Variants in MZT1 observed in about 807,000 individuals in gnomAD.
MZT1 encodes mitotic spindle organizing protein 1, also known as mitotic-spindle organizing protein 1.
A neutral mutation model predicts 8.5 loss-of-function variants in MZT1; 8 were observed. That is an observed-to-expected ratio of 0.94 (90% CI 0.55 to 1.70). The LOEUF (loss-of-function observed/expected upper bound fraction) is 1.70. MZT1 is among the 40% of genes most tolerant of loss of function. MZT1 has a pLI of 0.00. For synonymous variants in MZT1, 38 were observed against 42.0 expected (o/e 0.90, Z 0.37); for missense variants, 93 against 108.6 (o/e 0.86, Z 0.64).
intron 1 of MZT1, among the ~76,000 whole-genome samples, chr13:72,719,759 A>C (rs1222034298): frequency 6.6e-6 from 1 of 152,182 alleles, no homozygotes; most frequent in Non-Finnish European, 1.5e-5. Context: ...TATATTTTTT[A>C]AACTTCATTT....
At position 72,708,822 on chromosome 13, in the gene MZT1, T is replaced by C. The variant is rs1252381343; in HGVS notation, c.*1500A>G. 3 of 52,662 alleles carry C rather than the reference T, an allele frequency of 5.7e-5. No individual in the cohort carries two copies. Among genetic ancestry groups the C allele is most frequent in the South Asian group, 1.4e-3 (1 of 700 alleles). The allele number at this position is 52,662 out of a possible 1,614,324, so 3.3% of individuals were successfully genotyped here. On this transcript the variant is annotated 3_prime_UTR_variant, in exon 3 of 3. Transcript: ENST00000377818. ...TAAAAAGTCAAAATGGTCAAAATTC[T>C]ATATTAAAAAAAAAAAAAGGCAGAG...
At chr13:72,719,125 A>C (rs1566213503) in intron 1 of MZT1, 28 bp from the exon 2 acceptor site, 7 of 1,454,872 alleles carry the variant, frequency 4.8e-6, no homozygotes, top group East Asian at 2.3e-5. Flanking sequence ...AAAAAAAAAA[A>C]CTTAAGGCTT....
intron 2 of MZT1, among the ~76,000 whole-genome samples, chr13:72,715,153 C>T (rs1216476231): frequency 6.6e-6 from 1 of 152,202 alleles, no homozygotes; most frequent in Non-Finnish European, 1.5e-5. Context: ...CCCCTCCCAC[C>T]AGTGTGTCCT....
chr13:72,711,604 C>A lies in MZT1; in HGVS notation c.226-1259G>T, dbSNP rs182552154. Reference sequence around the variant, plus strand: ...ATTCCAAAAAAAGAGACAATAAATACCATACAGTTAAATTCTAAATACCAG... The same window carrying A: ...ATTCCAAAAAAAGAGACAATAAATAACATACAGTTAAATTCTAAATACCAG... On this transcript the variant is annotated intron_variant, in intron 2 of 2. Coordinates refer to ENST00000377818, the MANE Select transcript of MZT1 (RefSeq NM_001071775.3). Among the ~76,000 whole-genome samples, 18 of 151,870 alleles carry A rather than the reference C, an allele frequency of 1.2e-4. No homozygotes were observed. The East Asian group carries it at 3.3e-3, about 28-fold the overall frequency.
chr13:72,710,838 C>A (rs1298621614), intron 2 of MZT1, among the ~76,000 whole-genome samples: 2 of 152,086 alleles, frequency 1.3e-5, no homozygotes, highest in Non-Finnish European at 2.9e-5. Flanking sequence ...TTCCAAGATA[C>A]CATATCATCA....
chr13:72,724,748 ATATATG>A, intron 1 of MZT1, among the ~76,000 whole-genome samples: 1 of 37,152 alleles, frequency 2.7e-5, no homozygotes, highest in Non-Finnish European at 7.1e-5. Context: ...ATACACATAT[ATATATG>A]TAAAGTGGTG....
Position 72,709,645 on chromosome 13 carries a change from A to G in MZT1, c.*677T>C, listed in dbSNP as rs2032467347. Reference sequence around the variant, plus strand: ...GCATTGTCATTACTTTTAAAATCCAAGTTTCTCAAAGTTTGATTTTTTTAC... The same window carrying G: ...GCATTGTCATTACTTTTAAAATCCAGGTTTCTCAAAGTTTGATTTTTTTAC... On this transcript the variant is annotated 3_prime_UTR_variant, in exon 3 of 3. Coordinates refer to ENST00000377818, the MANE Select transcript of MZT1 (RefSeq NM_001071775.3). The G allele has an allele frequency of 6.6e-6, 1 of 152,064 alleles. No individual in the cohort carries two copies. The highest frequency in any genetic ancestry group is 1.5e-5 in the Non-Finnish European group (1 of 67,916). 9.4% of individuals were successfully genotyped at this position (152,064 alleles called of 1,614,324 possible).
intron 2 of MZT1, 23 bp from the exon 3 acceptor site, chr13:72,710,368 AT>A: frequency 6.2e-7 from 1 of 1,612,070 alleles, no homozygotes; most frequent in African/African-American, 1.3e-5. Context: ...AGTAAGATTC[AT>A]TACAATAAAA....
In MZT1 at chr13:72,727,517, A is replaced by C. The variant is rs1465897; in HGVS notation, c.79+7T>G. Reference sequence around the variant, plus strand: ...CGCAAGGTAAAGGGAGCGCAACGGAAACTCACCGTCCATGGTCTCCCGCAC... The same window carrying C: ...CGCAAGGTAAAGGGAGCGCAACGGACACTCACCGTCCATGGTCTCCCGCAC... On this transcript the variant is annotated splice_region_variant and intron_variant, in intron 1 of 2. Transcript: ENST00000377818. The C allele has an allele frequency of 0.97, 1,565,083 of 1,613,498 alleles. 764,259 individuals are homozygous for C. Among genetic ancestry groups the C allele is most frequent in the Non-Finnish European group, 0.99 (1,169,506 of 1,179,666 alleles).
Position 72,727,540 on chromosome 13 carries a change from C to T in MZT1, c.63G>A (p.Val21=). 6.2e-7 allele frequency: 1 copy of T among 1,613,262 alleles called. No individual in the cohort carries two copies. Among genetic ancestry groups the T allele is most frequent in the Non-Finnish European group, 8.5e-7 (1 of 1,179,692 alleles). ...GAAACTCACCGTCCATGGTCTCCCG[C>T]ACCGCATTCAGATTCGCCGCCGCGG... ...AAAAAANLNA[V]RETMDVLLEI... is the part of the protein sequence containing the mutation. The change falls in exon 1 of 3, where the codon GTG becomes GTA. Residue 21 remains valine (V), a synonymous_variant. Coordinates refer to ENST00000377818, the MANE Select transcript of MZT1 (RefSeq NM_001071775.3).
intron 1 of MZT1, among the ~76,000 whole-genome samples, chr13:72,719,458 A>C: frequency 6.6e-6 from 1 of 152,178 alleles, no homozygotes; most frequent in African/African-American, 2.4e-5. Context: ...CATTTTATGG[A>C]AACACTATAC....
At chr13:72,718,361 G>C (rs2032557349) in intron 2 of MZT1, among the ~76,000 whole-genome samples, 1 of 152,236 alleles carries the variant, frequency 6.6e-6, no homozygotes, top group Non-Finnish European at 1.5e-5. Flanking sequence ...ATTGGGACCA[G>C]GGGTTAGGAC....
intron 2 of MZT1, among the ~76,000 whole-genome samples, chr13:72,712,379 C>T (rs192196153): frequency 6.6e-6 from 1 of 152,306 alleles, no homozygotes; most frequent in Non-Finnish European, 1.5e-5. Flanking sequence ...GTCTTAAACT[C>T]CTGGCCTGAA....
At chr13:72,720,078 C>T (rs984942970) in intron 1 of MZT1, among the ~76,000 whole-genome samples, 1 of 152,182 alleles carries the variant, frequency 6.6e-6, no homozygotes, top group African/African-American at 2.4e-5. Flanking sequence ...AAGTTTATTT[C>T]CCAAAACCCC....
At chr13:72,727,333 C>G (rs931839814) in intron 1 of MZT1, among the ~76,000 whole-genome samples, 191 bp downstream of exon 1, 1 of 152,234 alleles carries the variant, frequency 6.6e-6, no homozygotes, top group Admixed American at 6.5e-5. Flanking sequence ...CGACAAACTA[C>G]GCAGCGGCGG....
In MZT1 at chr13:72,721,258, C is replaced by A. The variant is rs148799941; in HGVS notation, c.80-2161G>T. On this transcript the variant is annotated intron_variant, in intron 1 of 2. Transcript: ENST00000377818. ...TTAGATCTGTTAGGCAGGACCAGAG[C>A]CCTGTTTAGGATAGGGCTAATTATT... Among the ~76,000 whole-genome samples the A allele has an allele frequency of 6.6e-5, 10 of 152,278 alleles. No individual in the cohort carries two copies. The East Asian group carries it at 1.9e-3, about 29-fold the overall frequency.
chr13:72,721,324 A>G (rs769493559), intron 1 of MZT1, among the ~76,000 whole-genome samples: 3 of 152,134 alleles, frequency 2.0e-5, no homozygotes, highest in East Asian at 1.9e-4. Flanking sequence ...ACTGTATCCA[A>G]TGTCTTATGA....
At chr13:72,725,246 G>T (rs563888428) in intron 1 of MZT1, among the ~76,000 whole-genome samples, 106 of 152,180 alleles carry the variant, frequency 7.0e-4, no homozygotes, top group African/African-American at 2.5e-3. Flanking sequence ...TGCGAGGGGG[G>T]TGTTGTTGAA....
rs544398677 is a variant in MZT1, at chr13:72,721,038, G to T, written c.80-1941C>A. On this transcript the variant is annotated intron_variant, in intron 1 of 2. Coordinates refer to ENST00000377818, the MANE Select transcript of MZT1 (RefSeq NM_001071775.3). ...TTCTAACATCTGTGTGATCGGGGGG[G>T]TGTTCGTTACAATTGACTGAATTTT... Among the ~76,000 whole-genome samples, 630 of 152,266 alleles carry T rather than the reference G, an allele frequency of 4.1e-3. 1 individual carries two copies. Among genetic ancestry groups the T allele is most frequent in the Non-Finnish European group, 7.5e-3 (510 of 68,012 alleles).
Sources: allele counts gnomAD v4.1 joint callset (sites outside exome capture counted in the v4.1 genomes callset), GRCh38; gene constraint gnomAD v4.1.1; transcripts MANE v1.5; gene names NCBI Gene and HGNC (gene_info 2026-07-23, HGNC 2026-07-21).